Variants in FAM83B observed in about 807,000 individuals in gnomAD.
The protein encoded by FAM83B is protein FAM83B.
A neutral mutation model predicts 38.8 loss-of-function variants in FAM83B; 26 were observed. The ratio of observed to expected loss-of-function variants is 0.67; its 90% CI spans 0.49 to 0.93. The LOEUF is 0.93. Among genes scored for constraint, FAM83B ranks in the 40% least tolerant of loss-of-function variants. The probability of loss-of-function intolerance (pLI) is 0.00; values close to 1 mark genes in which losing one functional copy is unlikely to be tolerated. For missense variants in FAM83B, 1,237 were observed against 1,197.3 expected, an observed-to-expected ratio of 1.03 and a Z score of -0.49; for synonymous variants, 419 against 423.1, an observed-to-expected ratio of 0.99 and a Z score of 0.12.
chr6:54,938,051 C>T lies in FAM83B; in HGVS notation c.735-1655C>T, dbSNP rs76327289. ...CCCTCTCCTACCCTCCTTCTCTAGTCATTATATCATTCTTCAGACTTTGCA... is the reference window on the plus strand; with the variant it reads ...CCCTCTCCTACCCTCCTTCTCTAGTTATTATATCATTCTTCAGACTTTGCA... On this transcript the variant is annotated intron_variant, in intron 4 of 4. Coordinates refer to ENST00000306858, the MANE Select transcript of FAM83B (RefSeq NM_001010872.3). 3.3e-3 allele frequency among the ~76,000 whole-genome samples: 495 copies of T among 152,136 alleles called. 7 individuals carry two copies. In the East Asian group the frequency reaches 0.036, roughly 11 times the overall value.
intron 4 of FAM83B, among the ~76,000 whole-genome samples, chr6:54,929,650 T>C (rs968783782): frequency 2.6e-5 from 4 of 152,132 alleles, no homozygotes; most frequent in Non-Finnish European, 4.4e-5. Context: ...ACCTCTCAGG[T>C]TCCATTTTTA....
chr6:54,848,242 G>A (rs1396355903), intron 1 of FAM83B, among the ~76,000 whole-genome samples: 1 of 152,130 alleles, frequency 6.6e-6, no homozygotes, highest in Admixed American at 6.5e-5. Context: ...CAGAAAAGTA[G>A]AAGTCCCCAC....
At chr6:54,860,760 G>A (rs948344507) in intron 1 of FAM83B, among the ~76,000 whole-genome samples, 18 of 152,106 alleles carry the variant, frequency 1.2e-4, no homozygotes, top group Non-Finnish European at 1.9e-4. Context: ...GTACATAATC[G>A]TATCACACCC....
chr6:54,901,672 T>A (rs1772664516), intron 2 of FAM83B, among the ~76,000 whole-genome samples: 1 of 152,170 alleles, frequency 6.6e-6, no homozygotes, highest in Admixed American at 6.6e-5. Flanking sequence ...CTGGTTGAAG[T>A]TATGCGGTCA....
At chr6:54,849,165 C>T (rs777664884) in intron 1 of FAM83B, among the ~76,000 whole-genome samples, 13 of 152,060 alleles carry the variant, frequency 8.5e-5, no homozygotes, top group Non-Finnish European at 1.6e-4. Context: ...TTAAGGATGC[C>T]GTAGATAAAA....
In FAM83B at chr6:54,879,331, G is replaced by A. The variant is rs370946309; in HGVS notation, c.444+8641G>A. On this transcript the variant is annotated intron_variant, in intron 2 of 4. Transcript: ENST00000306858. Reference sequence around the variant, plus strand: ...ACAGAATATGAGATAAGAACATGACGGATTAGATGCTGTCCCAGGACCTAA... The same window carrying A: ...ACAGAATATGAGATAAGAACATGACAGATTAGATGCTGTCCCAGGACCTAA... Among the ~76,000 whole-genome samples, 53 of 152,206 alleles carry A rather than the reference G, an allele frequency of 3.5e-4. No individual in the cohort carries two copies. In the East Asian group the frequency reaches 3.9e-3, roughly 11 times the overall value.
intron 2 of FAM83B, among the ~76,000 whole-genome samples, chr6:54,911,540 T>G (rs2127584670): frequency 6.6e-6 from 1 of 152,240 alleles, no homozygotes; most frequent in African/African-American, 2.4e-5. Context: ...TTTTCTTCCC[T>G]CCTCTCAGAT....
At chr6:54,902,672 C>A (rs1772687498) in intron 2 of FAM83B, among the ~76,000 whole-genome samples, 1 of 151,984 alleles carries the variant, frequency 6.6e-6, no homozygotes, top group African/African-American at 2.4e-5. Context: ...CAGGCAATAG[C>A]TCCCCTTATT....
chr6:54,923,013 AT>A (rs1773204509), intron 2 of FAM83B, among the ~76,000 whole-genome samples: 1 of 151,926 alleles, frequency 6.6e-6, no homozygotes, highest in African/African-American at 2.4e-5. Flanking sequence ...TGTGTTTTTA[AT>A]TTTTTAATCT....
intron 2 of FAM83B, among the ~76,000 whole-genome samples, chr6:54,872,697 G>A (rs1213583354): frequency 3.9e-5 from 6 of 152,078 alleles, no homozygotes; most frequent in Non-Finnish European, 8.8e-5. Context: ...TGGCAGCTTT[G>A]TATTTAATGA....
intron 1 of FAM83B, among the ~76,000 whole-genome samples, chr6:54,856,515 A>T (rs78594103): frequency 6.6e-6 from 1 of 152,224 alleles, no homozygotes; most frequent in Non-Finnish European, 1.5e-5. Context: ...GTTCATATGT[A>T]ACCCACAAGT....
At chr6:54,939,556 T>C (rs1773605551) in intron 4 of FAM83B, 150 bp from the exon 5 acceptor site, 3 of 686,606 alleles carry the variant, frequency 4.4e-6, no homozygotes, top group Non-Finnish European at 6.6e-6. Flanking sequence ...TGGGAAAACA[T>C]GTAGTGCATG....
chr6:54,922,918 T>C (rs1008592016), intron 2 of FAM83B, among the ~76,000 whole-genome samples: 1 of 152,100 alleles, frequency 6.6e-6, no homozygotes, highest in Non-Finnish European at 1.5e-5. Context: ...TCTCTGTCAC[T>C]CTTTTCAACA....
At chr6:54,880,443 T>TTTC (rs1229282669) in intron 2 of FAM83B, among the ~76,000 whole-genome samples, 1 of 141,158 alleles carries the variant, frequency 7.1e-6, no homozygotes, top group Non-Finnish European at 1.6e-5. Flanking sequence ...GAAGGTTTCT[T>TTTC]TTTTTTTTTT....
intron 2 of FAM83B, among the ~76,000 whole-genome samples, chr6:54,872,645 G>C (rs563444191): frequency 1.3e-5 from 2 of 152,244 alleles, no homozygotes; most frequent in African/African-American, 2.4e-5. Context: ...ACTGGGAACC[G>C]AACATTAGTC....
chr6:54,847,319 C>T (rs539102797), intron 1 of FAM83B, among the ~76,000 whole-genome samples: 1 of 151,886 alleles, frequency 6.6e-6, no homozygotes, highest in Non-Finnish European at 1.5e-5. Context: ...CGCTGAGGGG[C>T]GTGGGTGTTC....
chr6:54,930,170 G>A (rs771414747), intron 4 of FAM83B, among the ~76,000 whole-genome samples: 3 of 152,016 alleles, frequency 2.0e-5, no homozygotes, highest in Non-Finnish European at 4.4e-5. Context: ...TATTGAAATT[G>A]TGTCAAAATG....
intron 1 of FAM83B, 48 bp downstream of exon 1, chr6:54,846,874 C>G (rs1581872453): frequency 6.6e-6 from 1 of 150,742 alleles, no homozygotes; most frequent in Non-Finnish European, 1.5e-5. Flanking sequence ...CGGACGGGAC[C>G]CCAGCGGGTG....
chr6:54,909,221 C>G (rs1277514965), intron 2 of FAM83B, among the ~76,000 whole-genome samples: 1 of 151,938 alleles, frequency 6.6e-6, no homozygotes, highest in African/African-American at 2.4e-5. Context: ...GGCGGGTGAC[C>G]TTTAGGAGTC....
Sources: gnomAD v4.1 joint callset for allele counts (sites outside exome capture counted in the v4.1 genomes callset) on GRCh38, gnomAD v4.1.1 for gene constraint, MANE v1.5 for transcripts, NCBI Gene and HGNC (gene_info 2026-07-23, HGNC 2026-07-21) for gene names.